GSE1: variants seen among roughly 807,000 people sequenced by gnomAD.
GSE1 encodes Gse1 coiled-coil protein.
In GSE1, 32 loss-of-function variants were observed where a neutral mutation model predicts 112.6. The ratio of observed to expected loss-of-function variants is 0.28; its 90% CI spans 0.21 to 0.38. The LOEUF (loss-of-function observed/expected upper bound fraction) is 0.38. Ranked by LOEUF, GSE1 falls within the 10% of genes least tolerant of loss-of-function variation. GSE1 has a pLI of 1.00. For synonymous variants in GSE1, 1,115 were observed against 735.6 expected (o/e 1.52, Z -8.35); for missense variants, 2,348 against 1,699.2 (o/e 1.38, Z -6.71).
At chr16:85,553,450 G>A (rs1378782189), upstream of GSE1, among the ~76,000 whole-genome samples, 1 of 151,876 alleles carries the variant, frequency 6.6e-6, no homozygotes, top group South Asian at 2.1e-4. Flanking sequence ...GCGGGCGCGG[G>A]CGGCCCCGAG....
chr16:85,258,419 T>C (rs1907307886), intron 1 of GSE1, among the ~76,000 whole-genome samples: 1 of 152,178 alleles, frequency 6.6e-6, no homozygotes, highest in Non-Finnish European at 1.5e-5. Flanking sequence ...TCCTTCGTTC[T>C]TCCACTGAAC....
intron 2 of GSE1, among the ~76,000 whole-genome samples, chr16:85,434,083 A>G (rs2049185089): frequency 6.6e-6 from 1 of 152,168 alleles, no homozygotes; most frequent in Non-Finnish European, 1.5e-5. Context: ...GAAATTCTCC[A>G]GTATCAAAGT....
intron 8 of GSE1, among the ~76,000 whole-genome samples, 171 bp from the exon 9 acceptor site, chr16:85,660,975 A>C (rs372089902): frequency 7.2e-5 from 11 of 152,130 alleles, no homozygotes; most frequent in African/African-American, 2.7e-4. Context: ...AAAGACAGAA[A>C]CAATGATCCT....
chr16:85,542,515 G>A lies in GSE1; in HGVS notation c.2465-91399G>A, dbSNP rs756770902. Among the ~76,000 whole-genome samples the A allele has an allele frequency of 1.6e-4, 25 of 152,332 alleles. 1 individual carries two copies. Among genetic ancestry groups the A allele is most frequent in the African/African-American group, 1.7e-4 (7 of 41,576 alleles). ...CAGGTGTGTCTCGCTCTGCCCAGGC[G>A]CAGCAAGCCTACCTCCCAATGAAGA... On this transcript the variant is annotated intron_variant, in intron 2 of 2. Coordinates refer to the GSE1 transcript ENST00000637419.
At chr16:85,432,954 C>T (rs536553399) in intron 2 of GSE1, among the ~76,000 whole-genome samples, 2 of 152,202 alleles carry the variant, frequency 1.3e-5, no homozygotes, top group East Asian at 1.9e-4. Context: ...ATCTGGCATC[C>T]AGAGGCCTAG....
At chr16:85,599,434 C>A (rs2047370941) in intron 1 of GSE1, among the ~76,000 whole-genome samples, 1 of 152,214 alleles carries the variant, frequency 6.6e-6, no homozygotes, top group African/African-American at 2.4e-5. Context: ...TGGACCTGCC[C>A]CCAATCTGGA....
At chr16:85,598,586 G>A (rs999877472) in intron 1 of GSE1, among the ~76,000 whole-genome samples, 17 of 152,248 alleles carry the variant, frequency 1.1e-4, no homozygotes, top group East Asian at 3.8e-4. Flanking sequence ...CCCGGACCCC[G>A]GGCTCCCTCA....
chr16:85,607,380 G>A (rs539897080), upstream of GSE1, among the ~76,000 whole-genome samples: 207 of 152,346 alleles, frequency 1.4e-3, no homozygotes, highest in African/African-American at 4.0e-3. Flanking sequence ...CTTTCCAGCC[G>A]CGGTGGCGGC....
intron 1 of GSE1, among the ~76,000 whole-genome samples, chr16:85,254,703 C>T (rs1484499407): frequency 6.6e-6 from 1 of 152,200 alleles, no homozygotes; most frequent in African/African-American, 2.4e-5. Context: ...GGCGGCAGCA[C>T]TGATTTGAAA....
At chr16:85,229,078 G>A (rs896662433) in intron 1 of GSE1, among the ~76,000 whole-genome samples, 4 of 152,370 alleles carry the variant, frequency 2.6e-5, no homozygotes, top group Non-Finnish European at 5.9e-5. Context: ...CATCCGCTGG[G>A]GAGTTGTGGA....
upstream of GSE1, among the ~76,000 whole-genome samples, chr16:85,554,620 C>T (rs980809533): frequency 6.6e-6 from 1 of 152,190 alleles, no homozygotes; most frequent in African/African-American, 2.4e-5. Context: ...AAACCGCTCG[C>T]CCGAGGAGCT....
chr16:85,382,627 T>C (rs1301356794), intron 2 of GSE1, among the ~76,000 whole-genome samples: 1 of 152,026 alleles, frequency 6.6e-6, no homozygotes, highest in African/African-American at 2.4e-5. Context: ...AGGGACAGAA[T>C]GGGGAGCAGG....
At chr16:85,639,251 G>A (rs974051582) in intron 2 of GSE1, among the ~76,000 whole-genome samples, 4 of 152,218 alleles carry the variant, frequency 2.6e-5, no homozygotes, top group African/African-American at 9.6e-5. Context: ...CTGTAGCCCA[G>A]ACTCCTCGGG....
chr16:85,392,124 C>T (rs1158114349), intron 2 of GSE1, among the ~76,000 whole-genome samples: 1 of 152,192 alleles, frequency 6.6e-6, no homozygotes, highest in East Asian at 1.9e-4. Context: ...AGATCATCTC[C>T]CTGCCCTTGA....
intron 1 of GSE1, among the ~76,000 whole-genome samples, chr16:85,265,336 C>T (rs1256730298): frequency 5.3e-5 from 8 of 152,150 alleles, no homozygotes; most frequent in Admixed American, 1.3e-4. Context: ...CGGCCACCTC[C>T]GCTGGGTGGA....
chr16:85,653,641 C>G (rs964196498), intron 3 of GSE1, among the ~76,000 whole-genome samples: 1 of 152,118 alleles, frequency 6.6e-6, no homozygotes, highest in African/African-American at 2.4e-5. Flanking sequence ...GGCCGGTACC[C>G]CAGCTGGCCA....
intron 2 of GSE1, among the ~76,000 whole-genome samples, chr16:85,401,710 G>C (rs1008514437): frequency 3.9e-5 from 6 of 152,214 alleles, no homozygotes; most frequent in African/African-American, 1.4e-4. Flanking sequence ...AGTGTTTATT[G>C]AGCACCTGCT....
At chr16:85,481,219 GCCT>G (rs2050672911) in intron 2 of GSE1, among the ~76,000 whole-genome samples, 1 of 152,234 alleles carries the variant, frequency 6.6e-6, no homozygotes, top group Admixed American at 6.5e-5. Flanking sequence ...GCCACTCTGT[GCCT>G]CAGTTTCTTT....
At chr16:85,255,057 G>A (rs369242372) in intron 1 of GSE1, among the ~76,000 whole-genome samples, 20 of 152,312 alleles carry the variant, frequency 1.3e-4, no homozygotes, top group African/African-American at 4.8e-4. Context: ...ACCGGATCCC[G>A]GTGCCGGAGC....
Sources: gnomAD v4.1 joint callset for allele counts (sites outside exome capture counted in the v4.1 genomes callset) on GRCh38, gnomAD v4.1.1 for gene constraint, MANE v1.5 for transcripts, NCBI Gene and HGNC (gene_info 2026-07-23, HGNC 2026-07-21) for gene names.